Variants in NCOA2 observed in about 807,000 individuals in gnomAD.
The protein encoded by NCOA2 is nuclear receptor coactivator 2, also known as class E basic helix-loop-helix protein 75.
A neutral mutation model predicts 145.1 loss-of-function variants in NCOA2; 21 were observed. The ratio of observed to expected loss-of-function variants is 0.14; its 90% confidence interval spans 0.10 to 0.21. The LOEUF is 0.21. Ranked by LOEUF, NCOA2 falls within the 10% of genes least tolerant of loss-of-function variation. The probability of loss-of-function intolerance (pLI) is 1.00; values close to 1 mark genes in which losing one functional copy is unlikely to be tolerated. For missense variants in NCOA2, 1,472 were observed against 1,837.6 expected, an observed-to-expected ratio of 0.80 and a Z score of 3.64; for synonymous variants, 619 against 637.5, an observed-to-expected ratio of 0.97 and a Z score of 0.44.
At chr8:70,382,106 C>T (rs1812243555) in intron 1 of NCOA2, among the ~76,000 whole-genome samples, 2 of 151,962 alleles carry the variant, frequency 1.3e-5, no homozygotes, top group Admixed American at 1.3e-4. Context: ...AGCATAAAAC[C>T]TAAATACATA....
At chr8:70,408,747 G>A (rs1421976199), upstream of NCOA2, among the ~76,000 whole-genome samples, 2 of 150,384 alleles carry the variant, frequency 1.3e-5, no homozygotes, top group Admixed American at 6.6e-5. Context: ...TAATAGTCAG[G>A]AATACAGGTG....
the NCOA2 span, among the ~76,000 whole-genome samples, chr8:70,442,024 AAG>A: frequency 7.0e-6 from 1 of 142,876 alleles, no homozygotes; most frequent in Admixed American, 6.8e-5. Flanking sequence ...GAAAGAAAGA[AAG>A]AGAAAAGAAA....
At chr8:70,150,154 T>C (rs912119617) in intron 11 of NCOA2, among the ~76,000 whole-genome samples, 2 of 152,212 alleles carry the variant, frequency 1.3e-5, no homozygotes, top group East Asian at 1.9e-4. Context: ...TCCTAACGCA[T>C]TGTTAGAGCA....
chr8:70,196,915 C>T (rs943460233), intron 4 of NCOA2, among the ~76,000 whole-genome samples: 5 of 152,148 alleles, frequency 3.3e-5, no homozygotes, highest in African/African-American at 9.7e-5. Context: ...AAGGCCTCAA[C>T]CTTACTACTG....
At chr8:70,190,043 C>A (rs1268536911) in intron 4 of NCOA2, among the ~76,000 whole-genome samples, 1 of 152,128 alleles carries the variant, frequency 6.6e-6, no homozygotes, top group African/African-American at 2.4e-5. Flanking sequence ...ACACCAGGAA[C>A]AATACATACA....
chr8:70,450,573 C>CTTTTTTTTTATTTTTTTTTTTT, the NCOA2 span, among the ~76,000 whole-genome samples: 1 of 94,652 alleles, frequency 1.1e-5, no homozygotes, highest in African/African-American at 4.3e-5. Context: ...TCTTTTTATT[C>CTTTTTTTTTATTTTTTTTTTTT]TTTTTTTTTT....
intron 4 of NCOA2, among the ~76,000 whole-genome samples, chr8:70,184,305 G>C (rs537501077): frequency 3.8e-4 from 58 of 152,292 alleles, no homozygotes; most frequent in African/African-American, 1.3e-3. Context: ...TACAAAAAAA[G>C]TGATCTGGGT....
intron 14 of NCOA2, 53 bp downstream of exon 14, chr8:70,141,131 C>G (rs1810362801): frequency 6.5e-7 from 1 of 1,532,760 alleles, no homozygotes; most frequent in Admixed American, 1.9e-5. Flanking sequence ...ATGACGCTCT[C>G]TTTTCTAAGA....
chr8:70,216,337 AT>A (rs1417376177), intron 3 of NCOA2, among the ~76,000 whole-genome samples: 6 of 152,252 alleles, frequency 3.9e-5, no homozygotes, highest in African/African-American at 1.4e-4. Flanking sequence ...AAAACCCATT[AT>A]AAAATTAACG....
the NCOA2 span, among the ~76,000 whole-genome samples, chr8:70,421,278 C>T: frequency 3.9e-5 from 6 of 151,946 alleles, no homozygotes; most frequent in Admixed American, 1.3e-4. Flanking sequence ...AATCTTGACA[C>T]GGTGGCTCAC....
At position 70,277,851 on chromosome 8, in the gene NCOA2, TTC is replaced by T. The variant is rs1554615227; in HGVS notation, c.-20+18891_-20+18892del. 7.9e-5 allele frequency among the ~76,000 whole-genome samples: 12 copies of T among 152,328 alleles called. No individual in the cohort carries two copies. The South Asian group carries it at 1.9e-3, about 24-fold the overall frequency. On this transcript the variant is annotated intron_variant, in intron 2 of 22. Transcript: ENST00000452400. ...ATATGCCTGATTCTACCAGCCAGTT[TTC>T]TGTTTTCTAGACTTTACTCCCATAT...
intron 4 of NCOA2, among the ~76,000 whole-genome samples, chr8:70,184,916 C>T (rs1184179120): frequency 1.3e-5 from 2 of 152,178 alleles, no homozygotes; most frequent in Admixed American, 1.3e-4. Flanking sequence ...CTTCTGGGGC[C>T]ATATCTTCCA....
the NCOA2 span, among the ~76,000 whole-genome samples, chr8:70,449,387 A>G: frequency 0.51 from 77,632 of 152,036 alleles, 20,699 homozygotes; most frequent in East Asian, 0.72. Flanking sequence ...TTCAAATTAC[A>G]ATAATCCAGA....
intron 2 of NCOA2, among the ~76,000 whole-genome samples, chr8:70,279,645 G>A (rs1825729256): frequency 6.6e-6 from 1 of 152,206 alleles, no homozygotes; most frequent in Non-Finnish European, 1.5e-5. Context: ...CCAAAATGCT[G>A]TGCCTTAATT....
intron 2 of NCOA2, among the ~76,000 whole-genome samples, chr8:70,282,812 G>A (rs1307327839): frequency 6.6e-6 from 1 of 152,066 alleles, no homozygotes; most frequent in African/African-American, 2.4e-5. Flanking sequence ...ATACTACTAG[G>A]GTTGGTGTAA....
At chr8:70,330,877 G>A (rs991706239) in intron 1 of NCOA2, among the ~76,000 whole-genome samples, 3 of 152,090 alleles carry the variant, frequency 2.0e-5, no homozygotes, top group East Asian at 3.9e-4. Context: ...TAACACCTAC[G>A]AGCTGGTTAT....
At chr8:70,350,537 G>A (rs1809081435) in intron 1 of NCOA2, among the ~76,000 whole-genome samples, 1 of 152,184 alleles carries the variant, frequency 6.6e-6, no homozygotes, top group Non-Finnish European at 1.5e-5. Flanking sequence ...CACAACTGAT[G>A]TTTACTTACT....
chr8:70,257,433 C>G (rs1484620216), intron 2 of NCOA2, among the ~76,000 whole-genome samples: 2 of 152,090 alleles, frequency 1.3e-5, no homozygotes, highest in Admixed American at 6.5e-5. Context: ...TCTTTGCCCT[C>G]CTGACCTAAC....
intron 2 of NCOA2, among the ~76,000 whole-genome samples, chr8:70,280,600 T>C (rs1470945662): frequency 2.6e-5 from 4 of 152,104 alleles, no homozygotes; most frequent in Non-Finnish European, 5.9e-5. Flanking sequence ...TCATGAAATG[T>C]TACAAAATTG....
Sources: allele counts gnomAD v4.1 joint callset (sites outside exome capture counted in the v4.1 genomes callset), GRCh38; gene constraint gnomAD v4.1.1; transcripts MANE v1.5; gene names NCBI Gene and HGNC (gene_info 2026-07-23, HGNC 2026-07-21).